TRPV3: variants seen among roughly 807,000 people sequenced by gnomAD.
The protein encoded by TRPV3 is VRL-3.
In TRPV3, 88 loss-of-function variants were observed where a neutral mutation model predicts 87.1. The observed-to-expected ratio is 1.01, with a 90% CI of 0.85 to 1.21. TRPV3 has a LOEUF of 1.21. Among genes scored for constraint, TRPV3 ranks in the 50% most tolerant of loss-of-function variants. The pLI, the probability that TRPV3 is intolerant of heterozygous loss-of-function variation, is 0.00. For missense variants in TRPV3, 1,054 were observed against 1,030.1 expected (o/e 1.02, Z -0.32); for synonymous variants, 438 against 423.3 (o/e 1.03, Z -0.43).
rs963481867 is a variant in TRPV3 at position 3,528,009 on chromosome 17, C to T, written c.1503+16G>A. 8 of 1,606,288 alleles carry T rather than the reference C, an allele frequency of 5.0e-6. No homozygotes were observed. The highest frequency in any genetic ancestry group is 4.4e-5 in the South Asian group (4 of 90,886). On this transcript the variant is annotated intron_variant, in intron 11 of 17. Transcript: ENST00000576742. The surrounding 1 kb of genome is among the most constrained non-coding windows in gnomAD (Gnocchi z 4.2). ...GCCTCGCGGGGCGGTCTGGAAGGGC[C>T]GGGTGGCCCACTTACCTCTTTCACA...
At chr17:3,533,012 C>G in intron 7 of TRPV3, 75 bp from the exon 8 acceptor site, 1 of 1,549,236 alleles carries the variant, frequency 6.5e-7, no homozygotes, top group Non-Finnish European at 8.8e-7. Flanking sequence ...AGGACTGGGG[C>G]CCATATCCTA....
In TRPV3 at chr17:3,528,273, G is replaced by C. The variant is rs1430165714; in HGVS notation, c.1402-147C>G. On this transcript the variant is annotated intron_variant, in intron 10 of 17. Coordinates refer to ENST00000576742, the MANE Select transcript of TRPV3 (RefSeq NM_145068.4). The surrounding 1 kb of genome is among the most constrained non-coding windows in gnomAD (Gnocchi z 4.2). ...TGATCTCTGTACAGGGCAAGAGAAG[G>C]AAGAGCAGCTCCCTGACCCCAACTC... 1.6e-6 allele frequency: 1 copy of C among 611,158 alleles called. No homozygotes were observed. Among genetic ancestry groups the C allele is most frequent in the Non-Finnish European group, 2.8e-6 (1 of 352,206 alleles). The allele number at this position is 611,158 out of a possible 1,614,324, so 37.9% of individuals were successfully genotyped here.
rs1597477583 is a variant in TRPV3 at position 3,530,589 on chromosome 17, T to G, written c.1066-386A>C. ...GGACTTGAGAAGAAGCCAGAAGTGTTCTCAGCGTCCCCAGCCCACCCTAAG... is the reference window on the plus strand; with the variant it reads ...GGACTTGAGAAGAAGCCAGAAGTGTGCTCAGCGTCCCCAGCCCACCCTAAG... On this transcript the variant is annotated intron_variant, in intron 8 of 17. Transcript: ENST00000576742. This position sits in a 1 kb window ranked among gnomAD's most constrained non-coding sequence, Gnocchi z 4.0. Among the ~76,000 whole-genome samples the G allele has an allele frequency of 6.6e-6, 1 of 152,118 alleles. No homozygotes were observed. Among genetic ancestry groups the G allele is most frequent in the East Asian group, 1.9e-4 (1 of 5,182 alleles).
At chr17:3,523,916 A>C (rs2150784526) in intron 13 of TRPV3, among the ~76,000 whole-genome samples, 1 of 152,156 alleles carries the variant, frequency 6.6e-6, no homozygotes, top group East Asian at 1.9e-4. Context: ...ATACACACAC[A>C]CACACACAGA....
intron 2 of TRPV3, among the ~76,000 whole-genome samples, chr17:3,547,978 C>T (rs933819860): frequency 1.3e-5 from 2 of 152,180 alleles, no homozygotes; most frequent in Admixed American, 6.5e-5. Context: ...TTCTGGCTGA[C>T]GACAACCCGG....
At chr17:3,531,054 C>G (rs2150790625) in intron 8 of TRPV3, among the ~76,000 whole-genome samples, 1 of 122,124 alleles carries the variant, frequency 8.2e-6, no homozygotes, top group Non-Finnish European at 2.0e-5. Flanking sequence ...AGACTCTAGT[C>G]TCAAAAAAAA....
At position 3,528,072 on chromosome 17, in the gene TRPV3, C is replaced by A. The variant is rs778358770; in HGVS notation, c.1456G>T (p.Gly486Trp). 2.5e-6 allele frequency: 4 copies of A among 1,613,578 alleles called. No individual in the cohort carries two copies. The highest frequency in any genetic ancestry group is 1.3e-5 in the African/African-American group (1 of 74,898). ...THKMGWLQLLGRMFVLIWAMC... is the reference protein window; with the variant it reads ...THKMGWLQLLWRMFVLIWAMC... ...GCCCAGATGAGCACAAACATCCTCC[C>A]TAGGAGCTGCAGCCACCCCATCTTG... is the stretch of plus-strand genomic sequence containing the variant. The change falls in exon 11 of 18, where the codon GGG (glycine) becomes TGG (tryptophan). Residue 486 changes from glycine (G) to tryptophan (W), a missense_variant. Transcript: ENST00000576742. The surrounding 1 kb of genome is among the most constrained non-coding windows in gnomAD (Gnocchi z 4.2).
Position 3,535,645 on chromosome 17 carries a change from C to T in TRPV3, c.712G>A (p.Gly238Ser), listed in dbSNP as rs755320876. ...GDIAALLIAA[G>S]ADVNAHAKGA... ...TTGGCGTGCGCGTTGACGTCGGCGCCGGCGGCGATGAGCAGGGCTGCGATG... is the reference window on the plus strand; with the variant it reads ...TTGGCGTGCGCGTTGACGTCGGCGCTGGCGGCGATGAGCAGGGCTGCGATG... Residue 238 changes from glycine (G) to serine (S), a missense_variant, in exon 7 of 18, where the codon GGC becomes AGC. By Grantham distance (56) the Gly-to-Ser change is moderately conservative. Coordinates refer to ENST00000576742, the MANE Select transcript of TRPV3 (RefSeq NM_145068.4). 14 of 1,608,076 alleles carry T rather than the reference C, an allele frequency of 8.7e-6. No homozygotes were observed. The highest frequency in any genetic ancestry group is 1.1e-5 in the South Asian group (1 of 90,486).
Position 3,514,029 on chromosome 17 carries a change from A to G in TRPV3, c.2279-18T>C. The G allele has an allele frequency of 4.4e-6, 7 of 1,583,362 alleles. No homozygotes were observed. Among genetic ancestry groups the G allele is most frequent in the Non-Finnish European group, 6.0e-6 (7 of 1,157,560 alleles). On this transcript the variant is annotated intron_variant, in intron 17 of 17. Coordinates refer to ENST00000576742, the MANE Select transcript of TRPV3 (RefSeq NM_145068.4). ...GTTGAAATCTGCTTTTTAAAAAAAT[A>G]TATATTTTAGAAATATATCACTCTG...
At chr17:3,514,324 C>G (rs1567627597) in intron 17 of TRPV3, 3 of 517,586 alleles carry the variant, frequency 5.8e-6, no homozygotes, top group Non-Finnish European at 6.9e-6. Flanking sequence ...GGTGATTCAC[C>G]CGACTCGTCC....
intron 16 of TRPV3, among the ~76,000 whole-genome samples, chr17:3,515,022 G>A (rs2074164962): frequency 6.6e-6 from 1 of 152,154 alleles, no homozygotes; most frequent in East Asian, 1.9e-4. Context: ...GAGGGCCCGG[G>A]CCACGAGGGT....
In TRPV3 at chr17:3,521,003, A is replaced by T. The variant is rs1257347608; in HGVS notation, c.1780T>A (p.Tyr594Asn). ...CCAAATCCAAGCAAAAACACGATAT[A>T]TACAAACAAGAACTTCAGAACATCA... is the stretch of plus-strand genomic sequence containing the variant. The part of the protein sequence containing the change: ...LHDVLKFLFV[Y>N]IVFLLGFGVA... Residue 594 changes from tyrosine to asparagine, a missense_variant, in exon 14 of 18, where the codon TAT (tyrosine) becomes AAT (asparagine). Physicochemically the swap from Tyr to Asn is moderately radical, Grantham distance 143. Transcript: ENST00000576742. 6.2e-7 allele frequency: 1 copy of T among 1,608,542 alleles called. No homozygotes were observed. Among genetic ancestry groups the T allele is most frequent in the African/African-American group, 1.3e-5 (1 of 74,762 alleles).
In TRPV3 at chr17:3,542,186, A is replaced by G. The variant is rs1267565585; in HGVS notation, c.643+336T>C. ...TGGTCAGGCTGGTCTTGAACTCCGG[A>G]CCTCAGGTGATCCACCCGCCTCAGC... On this transcript the variant is annotated intron_variant, in intron 6 of 17. Coordinates refer to ENST00000576742, the MANE Select transcript of TRPV3 (RefSeq NM_145068.4). 2.0e-5 allele frequency among the ~76,000 whole-genome samples: 3 copies of G among 151,910 alleles called. No individual in the cohort carries two copies. In the East Asian group the frequency reaches 5.8e-4, roughly 29 times the overall value.
chr17:3,538,525 T>C (rs2074428958), intron 6 of TRPV3, among the ~76,000 whole-genome samples: 1 of 151,490 alleles, frequency 6.6e-6, no homozygotes, highest in Non-Finnish European at 1.5e-5. Flanking sequence ...AGAGAGTAAA[T>C]GAGTATCTTT....
intron 12 of TRPV3, among the ~76,000 whole-genome samples, chr17:3,525,370 T>C (rs1421648207): frequency 6.6e-6 from 1 of 152,014 alleles, no homozygotes; most frequent in African/African-American, 2.4e-5. Context: ...GATAGGTGAC[T>C]CCACTATATG....
intron 2 of TRPV3, among the ~76,000 whole-genome samples, chr17:3,550,366 T>A (rs1262513515): frequency 6.6e-6 from 1 of 151,952 alleles, no homozygotes; most frequent in African/African-American, 2.4e-5. Context: ...CAAGAGTGTG[T>A]ATCCACTTCA....
chr17:3,533,045 G>A lies in TRPV3; in HGVS notation c.785-108C>T, dbSNP rs2074363658. The A allele has an allele frequency of 3.1e-6, 4 of 1,309,682 alleles. No individual in the cohort carries two copies. The South Asian group carries it at 5.5e-5, about 18-fold the overall frequency. The allele number at this position is 1,309,682 out of a possible 1,614,324, so 81.1% of individuals were successfully genotyped here. ...CTATCTCAGCAGGATGGGCACCTCA[G>A]GTTCCCTAGCCCTCTCCCCATCTTC... On this transcript the variant is annotated intron_variant, in intron 7 of 17. Coordinates refer to ENST00000576742, the MANE Select transcript of TRPV3 (RefSeq NM_145068.4).
At chr17:3,533,057 C>T (rs2074363755) in intron 7 of TRPV3, 120 bp from the exon 8 acceptor site, 1 of 1,139,936 alleles carries the variant, frequency 8.8e-7, no homozygotes, top group Admixed American at 2.3e-5. Context: ...TTCCCTAGCC[C>T]TCTCCCCATC....
intron 16 of TRPV3, among the ~76,000 whole-genome samples, chr17:3,515,821 G>A: frequency 6.6e-6 from 1 of 152,184 alleles, no homozygotes; most frequent in East Asian, 1.9e-4. Context: ...GCAGGAAAAG[G>A]AGTACCCAGC....
Sources: allele counts gnomAD v4.1 joint callset (sites outside exome capture counted in the v4.1 genomes callset), GRCh38; gene constraint gnomAD v4.1.1; non-coding constraint Gnocchi (gnomAD v3.1); transcripts MANE v1.5; gene names NCBI Gene and HGNC (gene_info 2026-07-23, HGNC 2026-07-21).